The following CDK19 variants were observed in gnomAD, a reference collection of about 807,000 sequenced individuals.
CDK19 encodes cyclin dependent kinase 19.
Under a neutral mutation model 68.3 loss-of-function variants are expected in CDK19, and 20 were observed. That is an observed-to-expected ratio of 0.29 (90% CI 0.21 to 0.43). The LOEUF is 0.43. Among genes scored for constraint, CDK19 ranks in the 20% least tolerant of loss-of-function variants. The pLI, the probability that CDK19 is intolerant of heterozygous loss-of-function variation, is 1.00. For synonymous variants in CDK19, 221 were observed against 222.8 expected (o/e 0.99, Z 0.07); for missense variants, 339 against 623.5 (o/e 0.54, Z 4.86).
At chr6:110,643,771 C>T (rs921328708) in intron 4 of CDK19, among the ~76,000 whole-genome samples, 1 of 151,992 alleles carries the variant, frequency 6.6e-6, no homozygotes, top group African/African-American at 2.4e-5. Context: ...TAAAATACCG[C>T]ATTAAAGAAA....
At chr6:110,804,067 T>G (rs802686) in intron 1 of CDK19, among the ~76,000 whole-genome samples, 2 of 151,980 alleles carry the variant, frequency 1.3e-5, no homozygotes, top group African/African-American at 4.8e-5. Flanking sequence ...GGACTTACCT[T>G]TCTGTCCAAA....
chr6:110,731,321 G>A (rs1776743331), intron 2 of CDK19, among the ~76,000 whole-genome samples: 1 of 152,114 alleles, frequency 6.6e-6, no homozygotes, highest in African/African-American at 2.4e-5. Context: ...CTTCAGTGTG[G>A]GATCACTGGC....
At chr6:110,810,212 G>A (rs940561595) in intron 1 of CDK19, among the ~76,000 whole-genome samples, 1 of 152,168 alleles carries the variant, frequency 6.6e-6, no homozygotes, top group African/African-American at 2.4e-5. Context: ...GTCTTTACAT[G>A]ACAAACTAAG....
intron 1 of CDK19, among the ~76,000 whole-genome samples, chr6:110,802,232 G>A (rs183082818): frequency 4.6e-5 from 7 of 152,208 alleles, no homozygotes; most frequent in Admixed American, 1.3e-4. Flanking sequence ...ACCTGCACTC[G>A]TATATTTATC....
At chr6:110,665,775 G>A (rs1424759413) in intron 4 of CDK19, among the ~76,000 whole-genome samples, 1 of 152,068 alleles carries the variant, frequency 6.6e-6, no homozygotes, top group African/African-American at 2.4e-5. Context: ...TTGAGATACG[G>A]TCTGGCTCAG....
chr6:110,742,434 C>A (rs1023901150), intron 2 of CDK19, among the ~76,000 whole-genome samples: 1 of 152,064 alleles, frequency 6.6e-6, no homozygotes, highest in African/African-American at 2.4e-5. Context: ...AATCAGTGCA[C>A]CCTGAAAAAG....
chr6:110,802,528 G>A (rs1483449624), intron 1 of CDK19, among the ~76,000 whole-genome samples: 2 of 152,138 alleles, frequency 1.3e-5, no homozygotes. Flanking sequence ...GACTCCAAAA[G>A]GGGAAAAACA....
chr6:110,706,846 A>G (rs1774545489), intron 2 of CDK19: 2 of 210,374 alleles, frequency 9.5e-6, no homozygotes, highest in African/African-American at 4.6e-5. Flanking sequence ...ATTCACATGT[A>G]TGTGGCCAAA....
intron 1 of CDK19, among the ~76,000 whole-genome samples, chr6:110,801,687 A>AT (rs1239049926): frequency 6.6e-6 from 1 of 151,910 alleles, no homozygotes; most frequent in African/African-American, 2.4e-5. Context: ...AATTTTTTGT[A>AT]TTTTTAGTAC....
At chr6:110,744,256 C>CA (rs1036819355) in intron 2 of CDK19, among the ~76,000 whole-genome samples, 2 of 151,944 alleles carry the variant, frequency 1.3e-5, no homozygotes, top group Admixed American at 6.6e-5. Flanking sequence ...ATCCACCCCC[C>CA]CAACAGCCTC....
chr6:110,666,433 A>G (rs1220167127), intron 4 of CDK19, among the ~76,000 whole-genome samples: 2 of 130,348 alleles, frequency 1.5e-5, no homozygotes. Flanking sequence ...TCAAAAAAAA[A>G]AAAAAAAAAA....
At chr6:110,650,677 C>A (rs1780904200) in intron 4 of CDK19, among the ~76,000 whole-genome samples, 1 of 151,998 alleles carries the variant, frequency 6.6e-6, no homozygotes, top group Admixed American at 6.6e-5. Flanking sequence ...AAGGGCAGTC[C>A]TGGCAGAGGG....
chr6:110,625,496 A>G (rs1779033936), intron 8 of CDK19, among the ~76,000 whole-genome samples: 1 of 151,968 alleles, frequency 6.6e-6, no homozygotes, highest in Non-Finnish European at 1.5e-5. Flanking sequence ...CCTTGCGAAC[A>G]AGGGTACAAT....
chr6:110,790,114 A>G (rs917203431), intron 1 of CDK19, among the ~76,000 whole-genome samples: 4 of 152,212 alleles, frequency 2.6e-5, no homozygotes, highest in African/African-American at 9.6e-5. Context: ...GGCATTGTAT[A>G]TTTCTGGACT....
At chr6:110,800,821 A>T (rs1272384239) in intron 1 of CDK19, among the ~76,000 whole-genome samples, 1 of 152,210 alleles carries the variant, frequency 6.6e-6, no homozygotes, top group Non-Finnish European at 1.5e-5. Flanking sequence ...AGAGCCATCT[A>T]TGACAAAGCC....
At chr6:110,729,774 C>T (rs1227768429) in intron 2 of CDK19, among the ~76,000 whole-genome samples, 1 of 151,758 alleles carries the variant, frequency 6.6e-6, no homozygotes, top group Non-Finnish European at 1.5e-5. Context: ...TGCTATGTTG[C>T]CCAGGCTAGA....
At chr6:110,678,963 T>G (rs2114502049) in intron 2 of CDK19, among the ~76,000 whole-genome samples, 1 of 152,280 alleles carries the variant, frequency 6.6e-6, no homozygotes, top group East Asian at 1.9e-4. Flanking sequence ...CGTACCTGTT[T>G]TAAAGTTTCT....
intron 4 of CDK19, among the ~76,000 whole-genome samples, chr6:110,644,414 A>C (rs1324593183): frequency 6.6e-6 from 1 of 152,104 alleles, no homozygotes; most frequent in Non-Finnish European, 1.5e-5. Flanking sequence ...AATGGGCACA[A>C]AAAATAGAAA....
chr6:110,807,080 A>C (rs764838457), intron 1 of CDK19, among the ~76,000 whole-genome samples: 1 of 151,994 alleles, frequency 6.6e-6, no homozygotes, highest in Non-Finnish European at 1.5e-5. Flanking sequence ...TAGGAGGATT[A>C]CTTGAGGCCA....
Sources: allele counts gnomAD v4.1 joint callset (sites outside exome capture counted in the v4.1 genomes callset), GRCh38; gene constraint gnomAD v4.1.1; transcripts MANE v1.5; gene names NCBI Gene and HGNC (gene_info 2026-07-23, HGNC 2026-07-21).